Variants in DLC1 observed in about 807,000 individuals in gnomAD.
DLC1 encodes the protein DLC1 Rho GTPase activating protein.
Under a neutral mutation model 140.3 loss-of-function variants are expected in DLC1, and 54 were observed. The ratio of observed to expected loss-of-function variants is 0.38; its 90% confidence interval spans 0.31 to 0.48. The LOEUF (loss-of-function observed/expected upper bound fraction) is 0.48. DLC1 is among the 20% of genes least tolerant of loss of function. DLC1 has a pLI of 0.96. For synonymous variants in DLC1, 986 were observed against 728.1 expected (o/e 1.35, Z -5.70); for missense variants, 2,536 against 1,907.0 (o/e 1.33, Z -6.14).
intron 1 of DLC1, among the ~76,000 whole-genome samples, chr8:13,591,949 G>T (rs954784494): frequency 6.6e-6 from 1 of 152,006 alleles, no homozygotes; most frequent in Non-Finnish European, 1.5e-5. Flanking sequence ...ATATTCTTGT[G>T]GAGTTTTAAA....
At chr8:13,147,251 T>A (rs1823503619) in intron 5 of DLC1, among the ~76,000 whole-genome samples, 1 of 152,174 alleles carries the variant, frequency 6.6e-6, no homozygotes, top group South Asian at 2.1e-4. Flanking sequence ...AACTCTGACC[T>A]AAATAAATCT....
intron 5 of DLC1, among the ~76,000 whole-genome samples, chr8:13,210,542 C>T (rs1188309): frequency 0.64 from 97,267 of 152,062 alleles, 31,937 homozygotes; most frequent in East Asian, 0.94. Context: ...ATTTGCTCTT[C>T]TATAGAGGTC....
chr8:13,280,337 T>TTTGA (rs1442694562), intron 5 of DLC1, among the ~76,000 whole-genome samples: 4 of 150,484 alleles, frequency 2.7e-5, no homozygotes, highest in African/African-American at 9.8e-5. Context: ...GACATTATGC[T>TTTGA]TTGATAGGTT....
intron 2 of DLC1, among the ~76,000 whole-genome samples, chr8:13,453,550 ATATATATT>A (rs1162564362): frequency 1.5e-4 from 7 of 45,990 alleles, no homozygotes; most frequent in African/African-American, 8.0e-4. Flanking sequence ...ATATATATAT[ATATATATT>A]TTTTTTTTTT....
intron 5 of DLC1, among the ~76,000 whole-genome samples, chr8:13,170,362 A>G (rs2116922277): frequency 6.6e-6 from 1 of 152,378 alleles, no homozygotes; most frequent in Non-Finnish European, 1.5e-5. Context: ...ACTAGAAATT[A>G]ATAGTAGTCT....
At chr8:13,368,132 A>T (rs1835575524) in intron 4 of DLC1, among the ~76,000 whole-genome samples, 1 of 152,162 alleles carries the variant, frequency 6.6e-6, no homozygotes, top group Non-Finnish European at 1.5e-5. Flanking sequence ...GTGGAAAAGA[A>T]AGTTAGAGCT....
chr8:13,249,681 C>G (rs528443746), intron 5 of DLC1, among the ~76,000 whole-genome samples: 1 of 152,340 alleles, frequency 6.6e-6, no homozygotes, highest in African/African-American at 2.4e-5. Flanking sequence ...AACGTTCCCT[C>G]TGCTTAAATA....
intron 4 of DLC1, among the ~76,000 whole-genome samples, chr8:13,318,684 AT>A (rs1367404619): frequency 6.6e-6 from 1 of 152,246 alleles, no homozygotes; most frequent in African/African-American, 2.4e-5. Context: ...TAAAGAAGTA[AT>A]TGAACACTGA....
intron 4 of DLC1, among the ~76,000 whole-genome samples, chr8:13,353,119 G>GGTGGCTATAC (rs1834751445): frequency 6.6e-6 from 1 of 152,182 alleles, no homozygotes; most frequent in Non-Finnish European, 1.5e-5. Context: ...GTGGCTGAAA[G>GGTGGCTATAC]GTGGCTATAC....
chr8:13,514,492 T>G, intron 1 of DLC1, 110 bp downstream of exon 1: 1 of 397,832 alleles, frequency 2.5e-6, no homozygotes, highest in Non-Finnish European at 4.4e-6. Flanking sequence ...ATGGCTTTGC[T>G]CTAAAACCTA....
intron 5 of DLC1, among the ~76,000 whole-genome samples, chr8:13,293,297 A>T (rs1653021): frequency 1 from 151,763 of 152,334 alleles, 75,597 homozygotes; most frequent in Middle Eastern, 1. Context: ...TTAAATGGTT[A>T]TAAAAAGAGA....
At chr8:13,104,799 A>C (rs1245792637) in intron 7 of DLC1, among the ~76,000 whole-genome samples, 1 of 152,250 alleles carries the variant, frequency 6.6e-6, no homozygotes, top group Non-Finnish European at 1.5e-5. Context: ...AAGATAGCCC[A>C]GAGCGCCTAG....
At chr8:13,429,181 T>A (rs1838747552) in intron 2 of DLC1, among the ~76,000 whole-genome samples, 1 of 152,214 alleles carries the variant, frequency 6.6e-6, no homozygotes, top group Non-Finnish European at 1.5e-5. Context: ...ACTGTGGTTC[T>A]TTTTAGCAAT....
intron 5 of DLC1, among the ~76,000 whole-genome samples, chr8:13,273,389 T>A (rs1458133374): frequency 6.6e-6 from 1 of 152,116 alleles, no homozygotes; most frequent in Admixed American, 6.5e-5. Context: ...ACAGAGTACC[T>A]TGGGGTTGGG....
intron 4 of DLC1, among the ~76,000 whole-genome samples, chr8:13,356,936 G>T (rs1834966650): frequency 6.6e-6 from 1 of 151,858 alleles, no homozygotes; most frequent in Non-Finnish European, 1.5e-5. Flanking sequence ...AGTCTTGTAG[G>T]GTAGAGGATT....
At chr8:13,316,361 T>C (rs1468224565) in intron 4 of DLC1, among the ~76,000 whole-genome samples, 1 of 152,184 alleles carries the variant, frequency 6.6e-6, no homozygotes, top group African/African-American at 2.4e-5. Context: ...TTTTATACAA[T>C]ACAATTGTAT....
At chr8:13,105,120 G>A (rs1410626406) in intron 7 of DLC1, among the ~76,000 whole-genome samples, 1 of 152,152 alleles carries the variant, frequency 6.6e-6, no homozygotes. Flanking sequence ...CTATGGGGCT[G>A]GAGAGGGGTT....
intron 5 of DLC1, among the ~76,000 whole-genome samples, chr8:13,283,651 A>T (rs976294919): frequency 6.6e-6 from 1 of 152,174 alleles, no homozygotes; most frequent in Non-Finnish European, 1.5e-5. Flanking sequence ...AGTAGCCTGG[A>T]CTACAGGCGC....
intron 1 of DLC1, among the ~76,000 whole-genome samples, chr8:13,590,346 C>T (rs1401179672): frequency 6.6e-6 from 1 of 151,926 alleles, no homozygotes; most frequent in Non-Finnish European, 1.5e-5. Flanking sequence ...ACCTAGGTTT[C>T]ACCAAGTGGA....
Sources: gnomAD v4.1 joint callset for allele counts (sites outside exome capture counted in the v4.1 genomes callset) on GRCh38, gnomAD v4.1.1 for gene constraint, MANE v1.5 for transcripts, NCBI Gene and HGNC (gene_info 2026-07-23, HGNC 2026-07-21) for gene names.